The following ZBTB20 variants were observed in gnomAD, a reference collection of about 807,000 sequenced individuals.
ZBTB20 encodes zinc finger and BTB domain-containing protein 20.
Under a neutral mutation model 56.9 loss-of-function variants are expected in ZBTB20, and 9 were observed. That is an observed-to-expected ratio of 0.16 (90% CI 0.10 to 0.28). The LOEUF (loss-of-function observed/expected upper bound fraction) is 0.28, where lower values mean the gene tolerates loss of function less well. Ranked by LOEUF, ZBTB20 falls within the 10% of genes least tolerant of loss-of-function variation. ZBTB20 has a pLI of 1.00. For missense variants in ZBTB20, 655 were observed against 1,003.0 expected, an observed-to-expected ratio of 0.65 and a Z score of 4.69; for synonymous variants, 417 against 420.7, an observed-to-expected ratio of 0.99 and a Z score of 0.11.
At chr3:115,087,424 T>C (rs1342244851) in intron 1 of ZBTB20, among the ~76,000 whole-genome samples, 1 of 151,926 alleles carries the variant, frequency 6.6e-6, no homozygotes, top group Non-Finnish European at 1.5e-5. Flanking sequence ...ACAGCTCAGC[T>C]AATTCTAATG....
At chr3:114,763,177 T>A (rs917037192) in intron 5 of ZBTB20, among the ~76,000 whole-genome samples, 5 of 152,174 alleles carry the variant, frequency 3.3e-5, no homozygotes, top group Non-Finnish European at 7.4e-5. Flanking sequence ...ATGATCAATA[T>A]AATGGGCTGT....
intron 2 of ZBTB20, among the ~76,000 whole-genome samples, chr3:115,006,459 G>GGATATATA (rs1553877302): frequency 3.5e-5 from 5 of 141,620 alleles, no homozygotes; most frequent in African/African-American, 1.4e-4. Context: ...TTATCCAGTT[G>GGATATATA]GATATATATA....
intron 1 of ZBTB20, among the ~76,000 whole-genome samples, chr3:115,091,836 T>C (rs1416298560): frequency 6.6e-6 from 1 of 152,012 alleles, no homozygotes; most frequent in Non-Finnish European, 1.5e-5. Context: ...GGAGGATGAA[T>C]AAGACACAGA....
intron 3 of ZBTB20, among the ~76,000 whole-genome samples, chr3:114,974,063 TAA>T (rs74552088): frequency 2.9e-4 from 32 of 108,570 alleles, no homozygotes; most frequent in Non-Finnish European, 3.3e-4. Flanking sequence ...CCAAACCAGT[TAA>T]AAAAAAAAAA....
intron 1 of ZBTB20, among the ~76,000 whole-genome samples, chr3:115,075,864 T>C (rs1441725632): frequency 1.3e-5 from 2 of 152,136 alleles, no homozygotes; most frequent in Admixed American, 1.3e-4. Context: ...GTCTATGCTT[T>C]TATATACAGA....
chr3:114,347,959 A>G (rs543069662), intron 11 of ZBTB20, among the ~76,000 whole-genome samples: 11 of 152,230 alleles, frequency 7.2e-5, no homozygotes, highest in Non-Finnish European at 1.0e-4. Flanking sequence ...TAGCTTTTGC[A>G]TCTGTGTCTG....
intron 7 of ZBTB20, among the ~76,000 whole-genome samples, chr3:114,468,062 A>AT (rs1386165068): frequency 1.3e-5 from 2 of 152,062 alleles, no homozygotes; most frequent in Admixed American, 6.6e-5. Context: ...CTGTTCCAAG[A>AT]TTTTTTTTAA....
chr3:115,146,264 G>A (rs575355057), intron 1 of ZBTB20, among the ~76,000 whole-genome samples: 12 of 151,764 alleles, frequency 7.9e-5, no homozygotes, highest in African/African-American at 2.7e-4. Context: ...CTAATGTTTA[G>A]TTTGTGTGTG....
chr3:114,349,853 A>G (rs905551753), intron 11 of ZBTB20, among the ~76,000 whole-genome samples: 1 of 152,232 alleles, frequency 6.6e-6, no homozygotes, highest in African/African-American at 2.4e-5. Context: ...TGAAGTATAG[A>G]CAAGTTAAGT....
intron 3 of ZBTB20, among the ~76,000 whole-genome samples, chr3:114,926,393 C>T (rs925384619): frequency 6.6e-6 from 1 of 151,980 alleles, no homozygotes; most frequent in African/African-American, 2.4e-5. Context: ...GGTTTTTGTC[C>T]AGAGTTTATA....
rs1446428414 is a variant in ZBTB20, at chr3:114,976,400, C to T, written c.-506-1984G>A. ...CAGCAGTTCGGGAGGCCGAGGCAGG[C>T]GGATCACCTGAGGTCAGAAGTTCAA... On this transcript the variant is annotated intron_variant, in intron 2 of 11. Coordinates refer to ENST00000675478, the MANE Select transcript of ZBTB20 (RefSeq NM_001348800.3). 5.3e-5 allele frequency among the ~76,000 whole-genome samples: 8 copies of T among 152,136 alleles called. No homozygotes were observed. The East Asian group carries it at 1.2e-3, about 22-fold the overall frequency.
chr3:114,802,153 A>T (rs1318378147), intron 4 of ZBTB20, among the ~76,000 whole-genome samples: 1 of 151,908 alleles, frequency 6.6e-6, no homozygotes, highest in Non-Finnish European at 1.5e-5. Flanking sequence ...AAAATGAGGT[A>T]ATATAATTCG....
chr3:114,628,284 A>AT (rs1439518009), intron 6 of ZBTB20, among the ~76,000 whole-genome samples: 1 of 152,150 alleles, frequency 6.6e-6, no homozygotes, highest in Admixed American at 6.6e-5. Flanking sequence ...ATAAACACCA[A>AT]CATATCCAAA....
intron 6 of ZBTB20, among the ~76,000 whole-genome samples, chr3:114,650,003 CCA>C (rs2107989122): frequency 6.6e-6 from 1 of 151,860 alleles, no homozygotes; most frequent in South Asian, 2.1e-4. Flanking sequence ...ACAAACTCTG[CCA>C]CACACAAGAG....
intron 2 of ZBTB20, among the ~76,000 whole-genome samples, chr3:115,065,461 A>G (rs1226611476): frequency 6.6e-6 from 1 of 152,116 alleles, no homozygotes; most frequent in African/African-American, 2.4e-5. Context: ...TACATCTTCC[A>G]AAAGTTGTGT....
chr3:115,006,122 C>A (rs2079458237), intron 2 of ZBTB20, among the ~76,000 whole-genome samples: 1 of 151,602 alleles, frequency 6.6e-6, no homozygotes, highest in South Asian at 2.1e-4. Context: ...CTGGATCCTT[C>A]TTATCATTTG....
At chr3:114,988,557 G>A (rs1361037292) in intron 2 of ZBTB20, among the ~76,000 whole-genome samples, 6 of 152,006 alleles carry the variant, frequency 3.9e-5, no homozygotes, top group Admixed American at 2.6e-4. Context: ...GCCGCAATAA[G>A]CATACGTGTG....
rs2089306348 is a variant in ZBTB20, at chr3:114,422,819, T to C, written c.-254-33714A>G. On this transcript the variant is annotated intron_variant, in intron 7 of 11. Coordinates refer to ENST00000675478, the MANE Select transcript of ZBTB20 (RefSeq NM_001348800.3). ...AATGACACCTGTGTGTTCTTATTTATTGATGGATGAGATGAAATTATATCA... is the reference window on the plus strand; with the variant it reads ...AATGACACCTGTGTGTTCTTATTTACTGATGGATGAGATGAAATTATATCA... Among the ~76,000 whole-genome samples the C allele has an allele frequency of 3.9e-5, 6 of 152,164 alleles. 1 individual carries two copies. The South Asian group carries it at 1.2e-3, about 32-fold the overall frequency.
intron 3 of ZBTB20, among the ~76,000 whole-genome samples, chr3:114,959,695 A>G (rs1251569582): frequency 6.9e-6 from 1 of 145,456 alleles, no homozygotes. Flanking sequence ...CACACCACAC[A>G]CACACACATC....
Sources: allele counts gnomAD v4.1 joint callset (sites outside exome capture counted in the v4.1 genomes callset), GRCh38; gene constraint gnomAD v4.1.1; transcripts MANE v1.5; gene names NCBI Gene and HGNC (gene_info 2026-07-23, HGNC 2026-07-21).